Variants in SRRT observed in about 807,000 individuals in gnomAD.
The protein encoded by SRRT is serrate, RNA effector molecule.
SRRT carries 32 observed loss-of-function variants against 103.2 expected under a neutral mutation model. The observed-to-expected ratio is 0.31, with a 90% CI of 0.23 to 0.42. SRRT has a LOEUF of 0.42. SRRT is among the 10% of genes least tolerant of loss of function. SRRT has a pLI of 1.00. For missense variants in SRRT, 986 were observed against 1,207.5 expected (o/e 0.82, Z 2.72); for synonymous variants, 525 against 449.0 (o/e 1.17, Z -2.14).
At chr7:100,876,287 G>A (rs1815700244) in intron 2 of SRRT, among the ~76,000 whole-genome samples, 1 of 152,190 alleles carries the variant, frequency 6.6e-6, no homozygotes, top group Admixed American at 6.5e-5. Flanking sequence ...GAGTAGCTGG[G>A]ATTACAGGCA....
At chr7:100,876,461 T>G (rs1815720745) in intron 2 of SRRT, among the ~76,000 whole-genome samples, 1 of 152,230 alleles carries the variant, frequency 6.6e-6, no homozygotes, top group Non-Finnish European at 1.5e-5. Flanking sequence ...AAAATTATTT[T>G]TTGTAGAGAC....
At chr7:100,881,458 A>G in intron 3 of SRRT, 45 bp downstream of exon 3, 1 of 1,597,966 alleles carries the variant, frequency 6.3e-7, no homozygotes, top group Non-Finnish European at 8.6e-7. Flanking sequence ...CCTCAGTTCC[A>G]CCTGGGCCTC....
chr7:100,887,921 T>C lies in SRRT; in HGVS notation c.2326+62T>C, dbSNP rs991056747. On this transcript the variant is annotated intron_variant, in intron 17 of 19. Transcript: ENST00000611405. The surrounding 1 kb of genome is among the most constrained non-coding windows in gnomAD (Gnocchi z 4.1). Reference sequence around the variant, plus strand: ...TCCTTGACTACCCAGGGACTCCTGTTTCTCTTTAACGTGTCACCCCGAGAA... The same window carrying C: ...TCCTTGACTACCCAGGGACTCCTGTCTCTCTTTAACGTGTCACCCCGAGAA... 4.6e-5 allele frequency: 72 copies of C among 1,562,370 alleles called. No individual in the cohort carries two copies. The Admixed American group carries it at 1.3e-3, about 29-fold the overall frequency.
chr7:100,876,819 G>T (rs1815757280), intron 2 of SRRT, among the ~76,000 whole-genome samples: 1 of 152,148 alleles, frequency 6.6e-6, no homozygotes, highest in Admixed American at 6.5e-5. Context: ...GGTGCTGGAG[G>T]TTGTGTGTCA....
At chr7:100,881,183 C>T in intron 2 of SRRT, 102 bp from the exon 3 acceptor site, 1 of 1,354,772 alleles carries the variant, frequency 7.4e-7, no homozygotes. Context: ...TCTCGAACTC[C>T]TGGCCTCAAG....
chr7:100,884,575 T>A (rs1281766666), intron 7 of SRRT, 23 bp downstream of exon 7: 1 of 1,226,482 alleles, frequency 8.2e-7, no homozygotes. Flanking sequence ...GGTCTCCTAG[T>A]GTTGTCCCTG....
intron 2 of SRRT, among the ~76,000 whole-genome samples, chr7:100,877,541 A>G (rs1815864421): frequency 6.6e-6 from 1 of 151,026 alleles, no homozygotes. Flanking sequence ...TTTTTTTTTG[A>G]CACAGAATCT....
chr7:100,886,672 C>A, intron 13 of SRRT, 123 bp from the exon 14 acceptor site: 1 of 1,173,492 alleles, frequency 8.5e-7, no homozygotes. Flanking sequence ...CTCAAGGGGG[C>A]AAAAGGTGCC....
chr7:100,883,953 C>A (rs1337080397), intron 5 of SRRT, 117 bp from the exon 6 acceptor site: 10 of 1,152,176 alleles, frequency 8.7e-6, no homozygotes, highest in Non-Finnish European at 9.7e-6. Context: ...ATTTTGATGA[C>A]CTTTTGTGGT....
chr7:100,888,005 C>T (rs1461216233), intron 17 of SRRT, 37 bp from the exon 18 acceptor site: 2 of 1,525,014 alleles, frequency 1.3e-6, no homozygotes, highest in Admixed American at 2.2e-5. Context: ...TATCCCCCTC[C>T]CCGCCCCCGC....
Position 100,886,879 on chromosome 7 carries a change from G to A in SRRT, c.1732G>A (p.Gly578Arg), listed in dbSNP as rs200083178. ...EVSAEEEELL[G>R]SSGGAPPEEP... Reference sequence around the variant, plus strand: ...AAGCGCCGAGGAGGAGGAGCTGCTGGGGAGCAGCGGGGGCGCTCCTCCTGA... The same window carrying A: ...AAGCGCCGAGGAGGAGGAGCTGCTGAGGAGCAGCGGGGGCGCTCCTCCTGA... The change falls in exon 14 of 20, where the codon GGG (glycine) becomes AGG (arginine). Residue 578 changes from glycine to arginine, a missense_variant. This residue lies in a region of SRRT where 349 missense variants were observed against 446.9 expected (regional missense o/e 0.78). Transcript: ENST00000611405. The A allele has an allele frequency of 1.6e-4, 262 of 1,613,998 alleles. No homozygotes were observed. Among genetic ancestry groups the A allele is most frequent in the Non-Finnish European group, 2.2e-4 (259 of 1,180,014 alleles).
At chr7:100,878,899 C>T (rs1476558323) in intron 2 of SRRT, among the ~76,000 whole-genome samples, 1 of 151,456 alleles carries the variant, frequency 6.6e-6, no homozygotes, top group Non-Finnish European at 1.5e-5. Context: ...CTTTTCTTTT[C>T]TTTTCCTTTC....
In SRRT at chr7:100,882,424, C is replaced by T. The variant is rs955382585; in HGVS notation, c.587+183C>T. 2.4e-5 allele frequency: 15 copies of T among 623,472 alleles called. No homozygotes were observed. Among genetic ancestry groups the T allele is most frequent in the South Asian group, 4.0e-5 (2 of 50,470 alleles). The allele number at this position is 623,472 out of a possible 1,614,324, so 38.6% of individuals were successfully genotyped here. A position where few individuals can be genotyped will look rare whatever the true frequency, so the allele number is the denominator to read the frequency against. Reference sequence around the variant, plus strand: ...TCACTTCAGCAACTGCCACGGCCCCCGCCCCGCCCTGTCTCCTGTCCTGCT... The same window carrying T: ...TCACTTCAGCAACTGCCACGGCCCCTGCCCCGCCCTGTCTCCTGTCCTGCT... On this transcript the variant is annotated intron_variant, in intron 5 of 19. Transcript: ENST00000611405. The surrounding 1 kb of genome is among the most constrained non-coding windows in gnomAD (Gnocchi z 4.2).
chr7:100,881,716 G>T lies in SRRT; in HGVS notation c.309G>T (p.Gly103=), dbSNP rs201842398. ...GCTATGAGATGCCCTATGCTGGGGG[G>T]GGTGGGGGCCCAACTTATGGCCCCC... ...HSGYEMPYAG[G]GGGPTYGPPQ... is the part of the protein sequence containing the mutation. Residue 103 remains glycine (G), a synonymous_variant, in exon 4 of 20, where the codon GGG becomes GGT. Transcript: ENST00000611405. 1.7e-5 allele frequency: 28 copies of T among 1,613,952 alleles called. No individual in the cohort carries two copies. The highest frequency in any genetic ancestry group is 1.0e-4 in the Admixed American group (6 of 60,002).
chr7:100,880,996 G>A (rs1357354571), intron 2 of SRRT, among the ~76,000 whole-genome samples: 1 of 152,186 alleles, frequency 6.6e-6, no homozygotes, highest in Non-Finnish European at 1.5e-5. Flanking sequence ...TAGGAGCGAA[G>A]TTTTATAATT....
Position 100,887,658 on chromosome 7 carries a change from C to A in SRRT, c.2170-45C>A. On this transcript the variant is annotated intron_variant, in intron 16 of 19. Transcript: ENST00000611405. The surrounding 1 kb of genome is among the most constrained non-coding windows in gnomAD (Gnocchi z 4.1). Reference sequence around the variant, plus strand: ...TTCCAGCTCGGGCCTGGGAGCGAGGCAACCCTTATGTGGCTGTCCTGACCC... The same window carrying A: ...TTCCAGCTCGGGCCTGGGAGCGAGGAAACCCTTATGTGGCTGTCCTGACCC... 6.3e-7 allele frequency: 1 copy of A among 1,588,338 alleles called. No homozygotes were observed. The highest frequency in any genetic ancestry group is 8.6e-7 in the Non-Finnish European group (1 of 1,162,114).
chr7:100,879,780 C>A (rs1816105918), intron 2 of SRRT, among the ~76,000 whole-genome samples: 2 of 149,560 alleles, frequency 1.3e-5, no homozygotes, highest in African/African-American at 4.9e-5. Flanking sequence ...CTGCTGCACT[C>A]CAGCCTGAGC....
intron 19 of SRRT, 38 bp downstream of exon 19, chr7:100,888,421 C>G: frequency 6.2e-7 from 1 of 1,612,640 alleles, no homozygotes; most frequent in Non-Finnish European, 8.5e-7. Flanking sequence ...TTGCCGCCTG[C>G]AGACTCCCTT....
rs751957144 is a variant in SRRT at position 100,875,443 on chromosome 7, G to A, written c.-19+115G>A. 4 of 1,521,822 alleles carry A rather than the reference G, an allele frequency of 2.6e-6. No individual in the cohort carries two copies. In the African/African-American group the frequency reaches 5.5e-5, roughly 21 times the overall value. The allele number at this position is 1,521,822 out of a possible 1,614,324, so 94.3% of individuals were successfully genotyped here. A position where few individuals can be genotyped will look rare whatever the true frequency, so the allele number is the denominator to read the frequency against. On this transcript the variant is annotated intron_variant, in intron 1 of 19. Transcript: ENST00000611405. The stretch of plus-strand genomic sequence containing the variant: ...TGGAGGTGTTGGAGCCGCGTTCTCA[G>A]GCCTAGGATGGTGGGGGCCGCGGAG...
Sources: allele counts gnomAD v4.1 joint callset (sites outside exome capture counted in the v4.1 genomes callset), GRCh38; gene constraint gnomAD v4.1.1; regional missense constraint gnomAD v4.1.1; non-coding constraint Gnocchi (gnomAD v3.1); transcripts MANE v1.5; gene names NCBI Gene and HGNC (gene_info 2026-07-23, HGNC 2026-07-21).